Variants in AKT3 observed in about 807,000 individuals in gnomAD.
AKT3 encodes RAC-gamma serine/threonine-protein kinase.
A neutral mutation model predicts 65.3 loss-of-function variants in AKT3; 15 were observed. The observed-to-expected ratio is 0.23, with a 90% CI of 0.15 to 0.35. AKT3 has a LOEUF of 0.35. Ranked by LOEUF, AKT3 falls within the 10% of genes least tolerant of loss-of-function variation. The pLI, the probability that AKT3 is intolerant of heterozygous loss-of-function variation, is 1.00. For synonymous variants in AKT3, 206 were observed against 183.8 expected (o/e 1.12, Z -0.98); for missense variants, 243 against 576.5 (o/e 0.42, Z 5.92).
chr1:243,794,559 C>G (rs914305503), intron 2 of AKT3, among the ~76,000 whole-genome samples: 2 of 152,182 alleles, frequency 1.3e-5, no homozygotes, highest in Non-Finnish European at 2.9e-5. Flanking sequence ...TCTTTTATAA[C>G]ATTCTTTTCA....
At chr1:243,543,780 G>A (rs1419554060) in intron 12 of AKT3, among the ~76,000 whole-genome samples, 1 of 152,202 alleles carries the variant, frequency 6.6e-6, no homozygotes, top group Non-Finnish European at 1.5e-5. Context: ...GAAGGATTCA[G>A]TACTTAACAT....
chr1:243,850,501 C>CG (rs1418644449), upstream of AKT3, among the ~76,000 whole-genome samples: 1 of 151,366 alleles, frequency 6.6e-6, no homozygotes, highest in Non-Finnish European at 1.5e-5. Flanking sequence ...AGGGGTTCTG[C>CG]GGCCTCCTCC....
intron 8 of AKT3, among the ~76,000 whole-genome samples, chr1:243,599,129 GA>G (rs1207213942): frequency 1.3e-5 from 2 of 152,068 alleles, no homozygotes; most frequent in Non-Finnish European, 2.9e-5. Flanking sequence ...CTGTTTTAAA[GA>G]AAGGGAAACA....
intron 3 of AKT3, among the ~76,000 whole-genome samples, chr1:243,681,834 GTAA>G (rs1182003008): frequency 6.6e-6 from 1 of 151,844 alleles, no homozygotes; most frequent in African/African-American, 2.4e-5. Context: ...TTTCCTTTAA[GTAA>G]TAATATTTAT....
intron 9 of AKT3, among the ~76,000 whole-genome samples, chr1:243,569,616 T>C (rs1674410451): frequency 6.6e-6 from 1 of 152,212 alleles, no homozygotes; most frequent in South Asian, 2.1e-4. Flanking sequence ...TGTTAGAAAG[T>C]ACCTAAATTT....
intron 8 of AKT3, among the ~76,000 whole-genome samples, chr1:243,573,910 C>T (rs1044098914): frequency 2.0e-5 from 3 of 152,220 alleles, no homozygotes; most frequent in South Asian, 2.1e-4. Context: ...GGACAACATA[C>T]ATGAAGAAAG....
chr1:243,777,294 A>C (rs1274473862), intron 2 of AKT3, among the ~76,000 whole-genome samples: 3 of 152,144 alleles, frequency 2.0e-5, no homozygotes, highest in Non-Finnish European at 1.5e-5. Flanking sequence ...TGAGAATCTA[A>C]CACCACAGCT....
chr1:243,654,289 G>A (rs1196130237), intron 4 of AKT3, among the ~76,000 whole-genome samples: 2 of 151,844 alleles, frequency 1.3e-5, no homozygotes, highest in African/African-American at 2.4e-5. Flanking sequence ...TATTACTTCA[G>A]ATATTTTTCA....
At chr1:243,625,399 C>A (rs559513057) in intron 6 of AKT3, among the ~76,000 whole-genome samples, 32 of 152,088 alleles carry the variant, frequency 2.1e-4, no homozygotes, top group African/African-American at 7.5e-4. Context: ...TCCCAACGTA[C>A]TGGGATTACC....
chr1:243,677,692 G>A (rs1683614845), intron 3 of AKT3, among the ~76,000 whole-genome samples: 1 of 151,886 alleles, frequency 6.6e-6, no homozygotes, highest in Admixed American at 6.6e-5. Flanking sequence ...TTCCCCCTTG[G>A]AGAAAAATAA....
chr1:243,511,760 T>C (rs377190339), intron 13 of AKT3, among the ~76,000 whole-genome samples: 13 of 152,224 alleles, frequency 8.5e-5, no homozygotes, highest in East Asian at 3.8e-4. Context: ...TACTAATGTA[T>C]ATGAATTGAC....
chr1:243,602,251 G>A (rs1203510429), intron 8 of AKT3, among the ~76,000 whole-genome samples: 7 of 151,932 alleles, frequency 4.6e-5, no homozygotes, highest in Admixed American at 3.9e-4. Flanking sequence ...AATGCTTCCC[G>A]ACTTTACATT....
Position 243,620,076 on chromosome 1 carries a change from C to T in AKT3, c.562-4915G>A, listed in dbSNP as rs772749563. 1.6e-4 allele frequency among the ~76,000 whole-genome samples: 16 copies of T among 98,090 alleles called. 6 individuals are homozygous for T. The highest frequency in any genetic ancestry group is 9.2e-4 in the South Asian group (3 of 3,274). 64.4% of individuals were successfully genotyped at this position (98,090 alleles called of 152,430 possible). On this transcript the variant is annotated intron_variant, in intron 6 of 13. Transcript: ENST00000673466. Reference sequence around the variant, plus strand: ...TGTAATCCCCATAATCCCTACATGTCGAGGGAGAGACCTGCTGGGAGGTGA... The same window carrying T: ...TGTAATCCCCATAATCCCTACATGTTGAGGGAGAGACCTGCTGGGAGGTGA...
chr1:243,627,017 T>C (rs183322958), intron 6 of AKT3, among the ~76,000 whole-genome samples: 100 of 152,308 alleles, frequency 6.6e-4, no homozygotes, highest in South Asian at 2.1e-3. Context: ...ATTTAGCACA[T>C]GAATTAATGA....
chr1:243,719,059 A>G (rs954418000), intron 2 of AKT3, among the ~76,000 whole-genome samples: 5 of 152,202 alleles, frequency 3.3e-5, no homozygotes, highest in Admixed American at 1.3e-4. Context: ...TCTAACTCCC[A>G]GCAAACAAGA....
intron 2 of AKT3, among the ~76,000 whole-genome samples, chr1:243,783,610 A>T (rs182088209): frequency 1.2e-3 from 178 of 152,336 alleles, no homozygotes; most frequent in African/African-American, 4.1e-3. Context: ...AACTTAAAAA[A>T]TTTTTAATTC....
At chr1:243,546,967 T>C (rs867340456) in intron 11 of AKT3, 1 of 152,238 alleles carries the variant, frequency 6.6e-6, no homozygotes, top group African/African-American at 2.4e-5. Context: ...TTGTCAGTTA[T>C]GTGAGTGATT....
At chr1:243,528,964 G>A (rs1671337223) in intron 12 of AKT3, among the ~76,000 whole-genome samples, 1 of 152,130 alleles carries the variant, frequency 6.6e-6, no homozygotes, top group Non-Finnish European at 1.5e-5. Flanking sequence ...GCTAGCATCT[G>A]TTATTTTTTG....
intron 2 of AKT3, among the ~76,000 whole-genome samples, chr1:243,818,645 C>A (rs1693674531): frequency 6.6e-6 from 1 of 151,950 alleles, no homozygotes. Context: ...ACAATTAAGA[C>A]TTAAATTTTT....
Sources: allele counts gnomAD v4.1 joint callset (sites outside exome capture counted in the v4.1 genomes callset), GRCh38; gene constraint gnomAD v4.1.1; transcripts MANE v1.5; gene names NCBI Gene and HGNC (gene_info 2026-07-23, HGNC 2026-07-21).